Variants in FAM168A observed in about 807,000 individuals in gnomAD.
The protein encoded by FAM168A is protein FAM168A.
FAM168A carries 3 observed loss-of-function variants against 28.5 expected under a neutral mutation model. The observed-to-expected ratio is 0.11, with a 90% CI of 0.05 to 0.27. FAM168A has a LOEUF of 0.27. Ranked by LOEUF, FAM168A falls within the 10% of genes least tolerant of loss-of-function variation. The pLI, the probability that FAM168A is intolerant of heterozygous loss-of-function variation, is 1.00. For missense variants in FAM168A, 222 were observed against 311.5 expected (o/e 0.71, Z 2.16); for synonymous variants, 122 against 124.2 (o/e 0.98, Z 0.12).
At chr11:73,445,066 C>A (rs1044053334) in intron 2 of FAM168A, among the ~76,000 whole-genome samples, 5 of 152,126 alleles carry the variant, frequency 3.3e-5, no homozygotes, top group African/African-American at 9.7e-5. Context: ...TCAAGACCAG[C>A]CTGACCAACA....
intron 1 of FAM168A, among the ~76,000 whole-genome samples, chr11:73,587,698 A>G (rs1181490849): frequency 6.6e-6 from 1 of 152,130 alleles, no homozygotes; most frequent in Non-Finnish European, 1.5e-5. Context: ...ATCCTTAATT[A>G]TACATCTGTT....
At chr11:73,574,682 C>T (rs964754035) in intron 1 of FAM168A, among the ~76,000 whole-genome samples, 1 of 151,032 alleles carries the variant, frequency 6.6e-6, no homozygotes, top group Admixed American at 6.6e-5. Context: ...CCTGCCTCAG[C>T]CTCCCAAGTA....
chr11:73,574,074 G>A (rs1179734084), intron 1 of FAM168A, among the ~76,000 whole-genome samples: 1 of 151,984 alleles, frequency 6.6e-6, no homozygotes, highest in African/African-American at 2.4e-5. Flanking sequence ...AGTGAGCCAT[G>A]AGCCCACCAC....
chr11:73,536,721 C>G (rs1445748050), intron 1 of FAM168A, among the ~76,000 whole-genome samples: 1 of 152,048 alleles, frequency 6.6e-6, no homozygotes, highest in African/African-American at 2.4e-5. Context: ...CTCTCCAAAC[C>G]TAGGGTTTGT....
chr11:73,514,760 G>A (rs200217579), intron 1 of FAM168A, among the ~76,000 whole-genome samples: 1 of 152,134 alleles, frequency 6.6e-6, no homozygotes, highest in African/African-American at 2.4e-5. Flanking sequence ...CTGAACCCAG[G>A]AGGTTGAGGC....
chr11:73,588,401 C>T (rs1284356312), intron 1 of FAM168A, among the ~76,000 whole-genome samples: 2 of 152,138 alleles, frequency 1.3e-5, no homozygotes, highest in Non-Finnish European at 2.9e-5. Context: ...TTCAGAAGAT[C>T]TGCACATGGC....
intron 1 of FAM168A, among the ~76,000 whole-genome samples, chr11:73,585,013 C>T (rs1225666611): frequency 6.6e-6 from 1 of 151,744 alleles, no homozygotes. Context: ...AAGGTCATAC[C>T]ATACCTCCAC....
At chr11:73,494,139 T>C (rs528488352) in intron 1 of FAM168A, among the ~76,000 whole-genome samples, 4 of 152,306 alleles carry the variant, frequency 2.6e-5, no homozygotes, top group Admixed American at 6.5e-5. Flanking sequence ...AGTATGTACA[T>C]ATACATGTAC....
At chr11:73,406,819 G>A (rs2134474558) in intron 7 of FAM168A, 75 bp from the exon 8 acceptor site, 2 of 152,648 alleles carry the variant, frequency 1.3e-5, no homozygotes, top group Middle Eastern at 3.4e-3. Flanking sequence ...GGAGCCCGCT[G>A]TGCCTTCCTA....
chr11:73,426,683 G>A (rs956232390), intron 3 of FAM168A, among the ~76,000 whole-genome samples: 2 of 146,470 alleles, frequency 1.4e-5, no homozygotes, highest in African/African-American at 5.1e-5. Context: ...GTGTGTGTGT[G>A]TGTAGGATTC....
chr11:73,514,659 C>A (rs971330707), intron 1 of FAM168A, among the ~76,000 whole-genome samples: 1 of 152,098 alleles, frequency 6.6e-6, no homozygotes, highest in Admixed American at 6.5e-5. Flanking sequence ...TGGCAAGACC[C>A]CTGTCTATAC....
At chr11:73,430,867 A>C in intron 2 of FAM168A, 97 bp from the exon 3 acceptor site, 3 of 965,690 alleles carry the variant, frequency 3.1e-6, no homozygotes, top group East Asian at 2.6e-5. Context: ...AGGAAATAGA[A>C]TCCAAGTCCT....
intron 1 of FAM168A, among the ~76,000 whole-genome samples, chr11:73,529,766 G>T (rs1943492719): frequency 6.7e-6 from 1 of 149,648 alleles, no homozygotes; most frequent in South Asian, 2.1e-4. Context: ...ATCTTCAAGA[G>T]ACATTCCTTC....
intron 1 of FAM168A, among the ~76,000 whole-genome samples, chr11:73,556,242 G>A (rs1943887865): frequency 6.6e-6 from 1 of 151,876 alleles, no homozygotes. Flanking sequence ...CTAGCTGGTT[G>A]GGAGGCTGAG....
At chr11:73,544,727 T>C (rs1330970774) in intron 1 of FAM168A, among the ~76,000 whole-genome samples, 1 of 118,832 alleles carries the variant, frequency 8.4e-6, no homozygotes, top group Non-Finnish European at 1.6e-5. Context: ...ATATTTTATA[T>C]GTAATTATAT....
At chr11:73,500,836 C>T (rs141437678) in intron 1 of FAM168A, among the ~76,000 whole-genome samples, 7,250 of 152,124 alleles carry the variant, frequency 0.048, 541 homozygotes, top group African/African-American at 0.16. Context: ...TCACACATAA[C>T]AATATTAACC....
chr11:73,419,851 G>A (rs200140939), intron 4 of FAM168A, 23 bp downstream of exon 4: 20 of 1,613,130 alleles, frequency 1.2e-5, no homozygotes, highest in Non-Finnish European at 1.6e-5. Context: ...GGGGAACAAG[G>A]AAATGAGACA....
At chr11:73,520,678 T>C (rs1177270134) in intron 1 of FAM168A, among the ~76,000 whole-genome samples, 1 of 152,142 alleles carries the variant, frequency 6.6e-6, no homozygotes, top group Admixed American at 6.5e-5. Context: ...AATCCTTGAA[T>C]GAAAAGGATA....
chr11:73,498,321 C>A (rs1010948585), intron 1 of FAM168A, among the ~76,000 whole-genome samples: 1 of 152,180 alleles, frequency 6.6e-6, no homozygotes, highest in African/African-American at 2.4e-5. Flanking sequence ...GAAGGGGACC[C>A]CCCCTTCCCC....
Sources: gnomAD v4.1 joint callset for allele counts (sites outside exome capture counted in the v4.1 genomes callset) on GRCh38, gnomAD v4.1.1 for gene constraint, MANE v1.5 for transcripts, NCBI Gene and HGNC (gene_info 2026-07-23, HGNC 2026-07-21) for gene names.